Variants in SLC35F4 observed in about 807,000 individuals in gnomAD.
The protein encoded by SLC35F4 is chromosome 14 open reading frame 36.
Under a neutral mutation model 44.2 loss-of-function variants are expected in SLC35F4, and 24 were observed. That is an observed-to-expected ratio of 0.54 (90% confidence interval 0.39 to 0.76). SLC35F4 has a LOEUF of 0.76. Among genes scored for constraint, SLC35F4 ranks in the 30% least tolerant of loss-of-function variants. The probability of loss-of-function intolerance (pLI) is 0.00; values close to 1 mark genes in which losing one functional copy is unlikely to be tolerated. For missense variants in SLC35F4, 562 were observed against 586.1 expected (o/e 0.96, Z 0.42); for synonymous variants, 238 against 223.6 (o/e 1.06, Z -0.57).
At chr14:57,682,840 T>C (rs112157398) in intron 1 of SLC35F4, among the ~76,000 whole-genome samples, 7 of 152,218 alleles carry the variant, frequency 4.6e-5, no homozygotes, top group African/African-American at 1.4e-4. Flanking sequence ...TCCTCATTTA[T>C]AATACTGGAA....
Position 57,564,143 on chromosome 14 carries a change from G to A in SLC35F4, c.1450C>T (p.Leu484=). The change falls in exon 8 of 8, where the codon CTG becomes TTG. Residue 484 remains leucine, a synonymous_variant. Transcript: ENST00000556826. ...GRANGTVSIP[L]A is the part of the protein sequence containing the mutation. ...TCAAAATATGTCCCTCTCTAAGCCA[G>A]TGGTATAGACACTGTCCCATTGGCT... 1 of 1,613,706 alleles carries A rather than the reference G, an allele frequency of 6.2e-7. No individual in the cohort carries two copies. The highest frequency in any genetic ancestry group is 8.5e-7 in the Non-Finnish European group (1 of 1,179,784).
intron 7 of SLC35F4, among the ~76,000 whole-genome samples, chr14:57,565,067 G>T (rs577568581): frequency 1.3e-5 from 2 of 152,282 alleles, no homozygotes; most frequent in South Asian, 2.1e-4. Context: ...GCACGTGTCA[G>T]CACCTCATTC....
At chr14:57,742,556 C>T (rs4901811) in intron 1 of SLC35F4, among the ~76,000 whole-genome samples, 7,039 of 152,234 alleles carry the variant, frequency 0.046, 392 homozygotes, top group East Asian at 0.18. Flanking sequence ...AATACAGAAG[C>T]ACCCAGATTC....
rs559964127 is a variant in SLC35F4, at chr14:57,956,193, C to G, written n.282+25720G>C. ...CTAACAAAACAAGAAATGGGGAAAG[C>G]ATTCCCTATTTAATAAATGGTGTTG... On this transcript the variant is annotated intron_variant and non_coding_transcript_variant, in intron 1 of 1. Coordinates refer to the SLC35F4 transcript ENST00000556568. 9.5e-4 allele frequency among the ~76,000 whole-genome samples: 145 copies of G among 152,206 alleles called. 5 individuals carry two copies. Among genetic ancestry groups the G allele is most frequent in the Non-Finnish European group, 2.9e-5 (2 of 67,970 alleles).
intron 1 of SLC35F4, among the ~76,000 whole-genome samples, chr14:57,971,614 G>T (rs1015622828): frequency 6.6e-6 from 1 of 152,148 alleles, no homozygotes; most frequent in Non-Finnish European, 1.5e-5. Flanking sequence ...GGAGGACTAT[G>T]CTAAGTAAAA....
chr14:57,756,058 C>T (rs970287813), intron 1 of SLC35F4, among the ~76,000 whole-genome samples: 1 of 152,192 alleles, frequency 6.6e-6, no homozygotes, highest in African/African-American at 2.4e-5. Flanking sequence ...CAGGCAGTTG[C>T]CCTGTTTTCC....
chr14:57,597,103 G>A (rs1005893316), intron 1 of SLC35F4, among the ~76,000 whole-genome samples: 14 of 152,196 alleles, frequency 9.2e-5, no homozygotes, highest in African/African-American at 3.4e-4. Context: ...CGTCTGGGAT[G>A]TAGTCAAGTA....
intron 1 of SLC35F4, among the ~76,000 whole-genome samples, chr14:57,935,060 A>G (rs1889771922): frequency 6.6e-6 from 1 of 152,198 alleles, no homozygotes. Flanking sequence ...AGAGAGAAGA[A>G]GCTGAGGCCC....
At chr14:57,970,031 A>T (rs1304162909) in intron 1 of SLC35F4, among the ~76,000 whole-genome samples, 1 of 152,186 alleles carries the variant, frequency 6.6e-6, no homozygotes, top group Non-Finnish European at 1.5e-5. Flanking sequence ...ATTAGACCCA[A>T]ATTTAAATTA....
At chr14:57,813,552 T>C (rs1208420809) in intron 1 of SLC35F4, among the ~76,000 whole-genome samples, 3 of 152,000 alleles carry the variant, frequency 2.0e-5, no homozygotes, top group Admixed American at 6.6e-5. Flanking sequence ...TGAGACTGTC[T>C]CAAAAAAATA....
intron 1 of SLC35F4, among the ~76,000 whole-genome samples, chr14:57,656,968 G>A (rs943182357): frequency 1.3e-5 from 2 of 152,286 alleles, no homozygotes; most frequent in Non-Finnish European, 2.9e-5. Flanking sequence ...GGACTGTAAG[G>A]AATATAAATA....
chr14:57,894,203 ATACAATGATAT>A (rs1888828250), intron 1 of SLC35F4, among the ~76,000 whole-genome samples: 4 of 152,136 alleles, frequency 2.6e-5, no homozygotes. Flanking sequence ...TCAAGGTACT[ATACAATGATAT>A]TATAGCAAGC....
chr14:57,695,692 A>T (rs2140347229), intron 1 of SLC35F4, among the ~76,000 whole-genome samples: 1 of 152,318 alleles, frequency 6.6e-6, no homozygotes, highest in African/African-American at 2.4e-5. Flanking sequence ...AGGGATTATA[A>T]ATCATGCTGC....
chr14:57,742,974 T>G (rs1214567805), intron 1 of SLC35F4, among the ~76,000 whole-genome samples: 1 of 152,180 alleles, frequency 6.6e-6, no homozygotes, highest in East Asian at 1.9e-4. Context: ...GAATGACTAC[T>G]GGGTACGTAA....
intron 1 of SLC35F4, among the ~76,000 whole-genome samples, chr14:57,651,074 T>C (rs538161185): frequency 1.2e-3 from 179 of 152,262 alleles, no homozygotes; most frequent in African/African-American, 4.2e-3. Context: ...TCCCAAACCA[T>C]TTTCCTCATC....
intron 1 of SLC35F4, among the ~76,000 whole-genome samples, chr14:57,896,850 GT>G (rs925362943): frequency 2.0e-5 from 3 of 151,320 alleles, no homozygotes; most frequent in Non-Finnish European, 3.0e-5. Context: ...CATAATGTAT[GT>G]AAAACACTTC....
intron 1 of SLC35F4, among the ~76,000 whole-genome samples, chr14:57,878,947 G>A (rs888020585): frequency 1.3e-5 from 2 of 152,106 alleles, no homozygotes; most frequent in African/African-American, 4.8e-5. Flanking sequence ...TTGTTTTGAT[G>A]TTGTCTTATG....
intron 1 of SLC35F4, among the ~76,000 whole-genome samples, chr14:57,964,319 G>A (rs992134548): frequency 2.7e-4 from 41 of 152,076 alleles, no homozygotes; most frequent in African/African-American, 9.4e-4. Flanking sequence ...CAGAATAGGA[G>A]GAAGACACCA....
At chr14:57,846,678 T>G (rs544804710) in intron 1 of SLC35F4, among the ~76,000 whole-genome samples, 4 of 152,344 alleles carry the variant, frequency 2.6e-5, no homozygotes, top group East Asian at 1.9e-4. Flanking sequence ...GAATTTTTCT[T>G]GAATTAATAT....
Sources: gnomAD v4.1 joint callset for allele counts (sites outside exome capture counted in the v4.1 genomes callset) on GRCh38, gnomAD v4.1.1 for gene constraint, MANE v1.5 for transcripts, NCBI Gene and HGNC (gene_info 2026-07-23, HGNC 2026-07-21) for gene names.